The following ADGRB3 variants were observed in gnomAD, a reference collection of about 807,000 sequenced individuals.
ADGRB3 encodes the protein adhesion G protein-coupled receptor B3, also known as brain-specific angiogenesis inhibitor 3.
ADGRB3 carries 37 observed loss-of-function variants against 193.4 expected under a neutral mutation model. That is an observed-to-expected ratio of 0.19 (90% CI 0.15 to 0.25). The LOEUF is 0.25. Among genes scored for constraint, ADGRB3 ranks in the 10% least tolerant of loss-of-function variants. The pLI is 1.00. For synonymous variants in ADGRB3, 690 were observed against 644.2 expected, an observed-to-expected ratio of 1.07 and a Z score of -1.08; for missense variants, 1,637 against 1,852.9, an observed-to-expected ratio of 0.88 and a Z score of 2.14.
chr6:69,285,598 G>T (rs955766235), intron 20 of ADGRB3, among the ~76,000 whole-genome samples: 6 of 152,066 alleles, frequency 3.9e-5, no homozygotes, highest in Non-Finnish European at 8.8e-5. Flanking sequence ...TTGAACCCGG[G>T]AGGCAGAAGT....
At chr6:68,976,489 C>G (rs1287988643) in intron 10 of ADGRB3, among the ~76,000 whole-genome samples, 1 of 152,000 alleles carries the variant, frequency 6.6e-6, no homozygotes, top group Non-Finnish European at 1.5e-5. Flanking sequence ...GTCGAAAATC[C>G]ATATGTAACT....
At chr6:69,206,455 C>G (rs533291713) in intron 17 of ADGRB3, among the ~76,000 whole-genome samples, 1 of 152,170 alleles carries the variant, frequency 6.6e-6, no homozygotes, top group Non-Finnish European at 1.5e-5. Context: ...TCAGTATTAA[C>G]CATCACAAGT....
At chr6:69,219,621 A>C (rs938080663) in intron 17 of ADGRB3, among the ~76,000 whole-genome samples, 5 of 151,152 alleles carry the variant, frequency 3.3e-5, no homozygotes, top group Admixed American at 3.3e-4. Flanking sequence ...AACTTTGCTA[A>C]ATCTTTGCTA....
intron 3 of ADGRB3, among the ~76,000 whole-genome samples, chr6:68,756,828 G>T (rs570008535): frequency 6.6e-6 from 1 of 152,136 alleles, no homozygotes; most frequent in Non-Finnish European, 1.5e-5. Context: ...AATTGTTTAC[G>T]TATAGTGTTT....
intron 17 of ADGRB3, among the ~76,000 whole-genome samples, chr6:69,194,706 A>G (rs1225207189): frequency 6.6e-6 from 1 of 152,038 alleles, no homozygotes; most frequent in Non-Finnish European, 1.5e-5. Flanking sequence ...ATATAAACAA[A>G]CGTATTATTA....
In ADGRB3 at chr6:69,145,746, G is replaced by T. The variant is rs1434184096; in HGVS notation, c.2480+69708G>T. ...AGGGTATCACTGGGATACCCTGGCT[G>T]CAGAGAGGAGACCCTGGAGTCGGTA... On this transcript the variant is annotated intron_variant, in intron 17 of 31. Coordinates refer to ENST00000370598, the MANE Select transcript of ADGRB3 (RefSeq NM_001704.3). 2.0e-5 allele frequency among the ~76,000 whole-genome samples: 3 copies of T among 151,188 alleles called. No individual in the cohort carries two copies. The East Asian group carries it at 5.9e-4, about 30-fold the overall frequency.
intron 17 of ADGRB3, among the ~76,000 whole-genome samples, chr6:69,081,558 C>A (rs1582446765): frequency 6.6e-6 from 1 of 151,684 alleles, no homozygotes; most frequent in African/African-American, 2.4e-5. Context: ...TTACTTTTTG[C>A]TTTTCTGTTT....
Position 69,272,488 on chromosome 6 carries a change from A to T in ADGRB3, c.2814+33262A>T, listed in dbSNP as rs75200157. Among the ~76,000 whole-genome samples the T allele has an allele frequency of 1.5e-3, 230 of 152,356 alleles. 9 individuals carry two copies. In the East Asian group the frequency reaches 0.041, roughly 27 times the overall value. ...AATAAAATTTGCCCAAGTGAAAAAG[A>T]CATAACTGGGTAGACAATAATTAGC... On this transcript the variant is annotated intron_variant, in intron 20 of 31. Coordinates refer to ENST00000370598, the MANE Select transcript of ADGRB3 (RefSeq NM_001704.3).
chr6:68,906,532 A>G (rs1018478316), intron 3 of ADGRB3, among the ~76,000 whole-genome samples: 1 of 151,966 alleles, frequency 6.6e-6, no homozygotes, highest in Admixed American at 6.6e-5. Context: ...GAATGTTGGA[A>G]ATTTTAAAGT....
intron 13 of ADGRB3, among the ~76,000 whole-genome samples, chr6:69,028,354 T>C (rs1770500652): frequency 6.6e-6 from 1 of 152,162 alleles, no homozygotes; most frequent in Non-Finnish European, 1.5e-5. Flanking sequence ...TTTGTTTTTG[T>C]TTTTAATAAA....
chr6:68,669,635 T>C (rs1768894884), intron 3 of ADGRB3, among the ~76,000 whole-genome samples: 1 of 150,542 alleles, frequency 6.6e-6, no homozygotes. Flanking sequence ...TGTGTGTGTG[T>C]GTGTGTGTGT....
At chr6:68,948,099 A>G (rs1047436426) in intron 6 of ADGRB3, among the ~76,000 whole-genome samples, 1 of 152,152 alleles carries the variant, frequency 6.6e-6, no homozygotes, top group African/African-American at 2.4e-5. Flanking sequence ...ACCTTAATAA[A>G]TCATCTAGGT....
rs555548792 is a variant in ADGRB3, at chr6:69,333,721, G to T, written c.3188+713G>T. ...TCCCAGCACTTTGGGAGGCTGAGGT[G>T]GGCAGATCACGAGATCGAGACCACA... On this transcript the variant is annotated intron_variant, in intron 24 of 31. Coordinates refer to ENST00000370598, the MANE Select transcript of ADGRB3 (RefSeq NM_001704.3). 1.1e-4 allele frequency among the ~76,000 whole-genome samples: 17 copies of T among 150,736 alleles called. No individual in the cohort carries two copies. In the Middle Eastern group the frequency reaches 0.01, roughly 92 times the overall value.
chr6:68,784,854 T>C (rs1245531599), intron 3 of ADGRB3, among the ~76,000 whole-genome samples: 1 of 152,178 alleles, frequency 6.6e-6, no homozygotes, highest in Non-Finnish European at 1.5e-5. Flanking sequence ...TTCTTGATAC[T>C]AAAGTAGTAC....
chr6:68,798,478 A>G (rs1767252287), intron 3 of ADGRB3, among the ~76,000 whole-genome samples: 1 of 151,204 alleles, frequency 6.6e-6, no homozygotes, highest in Non-Finnish European at 1.5e-5. Flanking sequence ...TTGGGTGTTG[A>G]ACTATGAGAA....
At chr6:68,836,357 T>C (rs1768046405) in intron 3 of ADGRB3, among the ~76,000 whole-genome samples, 1 of 152,060 alleles carries the variant, frequency 6.6e-6, no homozygotes, top group Admixed American at 6.6e-5. Context: ...CACCATTTTT[T>C]CTGCTTTCCG....
At chr6:68,855,683 G>A (rs1468638730) in intron 3 of ADGRB3, among the ~76,000 whole-genome samples, 1 of 152,072 alleles carries the variant, frequency 6.6e-6, no homozygotes, top group Non-Finnish European at 1.5e-5. Flanking sequence ...ATAACTCATA[G>A]ATTTAATTGT....
intron 3 of ADGRB3, among the ~76,000 whole-genome samples, chr6:68,848,369 A>G (rs1401367470): frequency 6.6e-6 from 1 of 152,048 alleles, no homozygotes; most frequent in Non-Finnish European, 1.5e-5. Flanking sequence ...GGGAAATGCT[A>G]ATCTTTGCTC....
At chr6:68,891,620 G>A (rs765071952) in intron 3 of ADGRB3, among the ~76,000 whole-genome samples, 3 of 152,132 alleles carry the variant, frequency 2.0e-5, no homozygotes, top group Admixed American at 6.5e-5. Flanking sequence ...GAGACTAGTA[G>A]TGCCATTAAT....
Sources: gnomAD v4.1 joint callset for allele counts (sites outside exome capture counted in the v4.1 genomes callset) on GRCh38, gnomAD v4.1.1 for gene constraint, MANE v1.5 for transcripts, NCBI Gene and HGNC (gene_info 2026-07-23, HGNC 2026-07-21) for gene names.